Variants in PIP5K1B observed in about 807,000 individuals in gnomAD.
The protein encoded by PIP5K1B is phosphatidylinositol 4-phosphate 5-kinase type-1 beta.
A neutral mutation model predicts 67.0 loss-of-function variants in PIP5K1B; 42 were observed. The ratio of observed to expected loss-of-function variants is 0.63; its 90% CI spans 0.49 to 0.81. PIP5K1B has a LOEUF of 0.81. Ranked by LOEUF, PIP5K1B falls within the 30% of genes least tolerant of loss-of-function variation. The pLI is 0.00. For missense variants in PIP5K1B, 459 were observed against 646.3 expected (o/e 0.71, Z 3.14); for synonymous variants, 214 against 231.4 (o/e 0.92, Z 0.68).
chr9:68,961,248 A>G (rs1209993242), intron 14 of PIP5K1B, among the ~76,000 whole-genome samples: 1 of 151,578 alleles, frequency 6.6e-6, no homozygotes, highest in Non-Finnish European at 1.5e-5. Context: ...GTCACCACAA[A>G]TCTATCAAGA....
chr9:68,768,234 T>C (rs1225856415), intron 2 of PIP5K1B, among the ~76,000 whole-genome samples: 1 of 152,218 alleles, frequency 6.6e-6, no homozygotes, highest in Non-Finnish European at 1.5e-5. Flanking sequence ...TGGCTAGTTA[T>C]AACTATGCCG....
intron 7 of PIP5K1B, among the ~76,000 whole-genome samples, chr9:68,889,828 A>T (rs1483454091): frequency 6.6e-6 from 1 of 152,156 alleles, no homozygotes; most frequent in Non-Finnish European, 1.5e-5. Context: ...GGAAAGATAA[A>T]GGAAGCAATG....
intron 1 of PIP5K1B, among the ~76,000 whole-genome samples, chr9:68,711,779 C>T (rs10781119): frequency 0.72 from 109,118 of 152,086 alleles, 39,759 homozygotes; most frequent in African/African-American, 0.85. Context: ...AAAATAAATA[C>T]TAAATATATT....
chr9:68,727,713 G>A (rs1350415466), intron 1 of PIP5K1B: 3 of 152,154 alleles, frequency 2.0e-5, no homozygotes, highest in Admixed American at 2.0e-4. Flanking sequence ...CTGATACTAA[G>A]TATGTTATTT....
At chr9:68,930,196 G>A (rs1167252427) in intron 12 of PIP5K1B, among the ~76,000 whole-genome samples, 1 of 152,028 alleles carries the variant, frequency 6.6e-6, no homozygotes, top group Non-Finnish European at 1.5e-5. Context: ...ACAGCACTCT[G>A]GGTAATTCCC....
At chr9:68,885,809 A>G (rs1440581378) in intron 6 of PIP5K1B, among the ~76,000 whole-genome samples, 1 of 152,200 alleles carries the variant, frequency 6.6e-6, no homozygotes, top group African/African-American at 2.4e-5. Flanking sequence ...GTAATCAGAA[A>G]CCACTTGTAC....
At chr9:68,781,267 CT>C in intron 2 of PIP5K1B, 1 of 512,722 alleles carries the variant, frequency 2.0e-6, no homozygotes. Flanking sequence ...AAGCATACAT[CT>C]TTACGCTGCT....
intron 1 of PIP5K1B, chr9:68,706,256 G>C (rs1827118837): frequency 6.6e-6 from 1 of 152,360 alleles, no homozygotes; most frequent in Non-Finnish European, 1.5e-5. Flanking sequence ...TGCAGCAACA[G>C]ACTTCTGCGT....
chr9:68,727,069 C>G (rs182197832), intron 1 of PIP5K1B, among the ~76,000 whole-genome samples: 1 of 151,032 alleles, frequency 6.6e-6, no homozygotes, highest in Non-Finnish European at 1.5e-5. Context: ...CAGGTGTTGG[C>G]GAAAACAAAA....
intron 5 of PIP5K1B, among the ~76,000 whole-genome samples, chr9:68,875,326 A>AAAAAAAAT (rs1823833916): frequency 8.6e-6 from 1 of 116,390 alleles, no homozygotes; most frequent in African/African-American, 3.2e-5. Flanking sequence ...AAAAAAAAAA[A>AAAAAAAAT]CAGTCATCTG....
intron 4 of PIP5K1B, among the ~76,000 whole-genome samples, chr9:68,851,740 G>A (rs1215830046): frequency 6.6e-6 from 1 of 152,208 alleles, no homozygotes; most frequent in African/African-American, 2.4e-5. Context: ...GGACAGTTTG[G>A]CTAAAGTGGT....
At chr9:69,001,351 C>G (rs922343311) in intron 15 of PIP5K1B, among the ~76,000 whole-genome samples, 3 of 152,112 alleles carry the variant, frequency 2.0e-5, no homozygotes, top group African/African-American at 4.8e-5. Context: ...ATTCCTCCCC[C>G]CACATTTTTC....
chr9:68,732,481 G>A (rs929689039), intron 1 of PIP5K1B, among the ~76,000 whole-genome samples: 37 of 152,226 alleles, frequency 2.4e-4, no homozygotes, highest in Non-Finnish European at 5.0e-4. Flanking sequence ...GTACTCTCCC[G>A]GTGTTAGGGA....
chr9:68,727,341 A>G (rs963023091), intron 1 of PIP5K1B, among the ~76,000 whole-genome samples: 10 of 152,218 alleles, frequency 6.6e-5, no homozygotes, highest in African/African-American at 2.2e-4. Flanking sequence ...GAAGTCTTCT[A>G]TCTGGTTTAA....
intron 2 of PIP5K1B, among the ~76,000 whole-genome samples, chr9:68,808,374 TCTAA>T (rs1832981651): frequency 6.6e-6 from 1 of 151,920 alleles, no homozygotes; most frequent in Non-Finnish European, 1.5e-5. Context: ...ATCATGACTA[TCTAA>T]CTAATTACTC....
At chr9:68,722,603 T>A (rs188438000) in intron 1 of PIP5K1B, among the ~76,000 whole-genome samples, 228 of 151,674 alleles carry the variant, frequency 1.5e-3, no homozygotes, top group African/African-American at 5.2e-3. Flanking sequence ...ACCATATTGT[T>A]GTTATTTTTA....
At chr9:68,884,589 G>C (rs1329316120) in intron 6 of PIP5K1B, among the ~76,000 whole-genome samples, 1 of 151,622 alleles carries the variant, frequency 6.6e-6, no homozygotes, top group Non-Finnish European at 1.5e-5. Flanking sequence ...ACCAGAGCCT[G>C]GGGAGGTCGA....
intron 12 of PIP5K1B, among the ~76,000 whole-genome samples, chr9:68,924,110 TAAAA>T (rs71500336): frequency 7.9e-6 from 1 of 125,850 alleles, no homozygotes; most frequent in African/African-American, 2.9e-5. Context: ...CTCTTACCTT[TAAAA>T]AAAAAAAAAA....
At chr9:68,731,777 G>A (rs1472477275) in intron 1 of PIP5K1B, among the ~76,000 whole-genome samples, 1 of 152,198 alleles carries the variant, frequency 6.6e-6, no homozygotes, top group African/African-American at 2.4e-5. Context: ...TTTGAAGAAA[G>A]GCTGGTACAC....
Sources: gnomAD v4.1 joint callset for allele counts (sites outside exome capture counted in the v4.1 genomes callset) on GRCh38, gnomAD v4.1.1 for gene constraint, MANE v1.5 for transcripts, NCBI Gene and HGNC (gene_info 2026-07-23, HGNC 2026-07-21) for gene names.